Variants in CEP112 observed in about 807,000 individuals in gnomAD.
CEP112 encodes centrosomal protein 112, also known as centrosomal protein of 112 kDa.
CEP112 carries 127 observed loss-of-function variants against 153.0 expected under a neutral mutation model. The ratio of observed to expected loss-of-function variants is 0.83; its 90% CI spans 0.72 to 0.96. The LOEUF is 0.96. Ranked by LOEUF, CEP112 falls within the 40% of genes least tolerant of loss-of-function variation. CEP112 has a pLI of 0.00. For missense variants in CEP112, 1,089 were observed against 1,101.2 expected, an observed-to-expected ratio of 0.99 and a Z score of 0.16; for synonymous variants, 358 against 374.4, an observed-to-expected ratio of 0.96 and a Z score of 0.51.
intron 4 of CEP112, among the ~76,000 whole-genome samples, chr17:66,163,247 G>A (rs2071789801): frequency 6.6e-6 from 1 of 152,058 alleles, no homozygotes; most frequent in Non-Finnish European, 1.5e-5. Flanking sequence ...TTTTTTGCAT[G>A]CATGCTATGT....
intron 21 of CEP112, among the ~76,000 whole-genome samples, chr17:65,785,143 T>C (rs750542532): frequency 3.9e-5 from 6 of 152,240 alleles, no homozygotes; most frequent in Non-Finnish European, 8.8e-5. Context: ...ATCTATGTTG[T>C]GGAATGTATC....
intron 18 of CEP112, among the ~76,000 whole-genome samples, chr17:65,946,428 G>C (rs1167202983): frequency 6.6e-6 from 1 of 151,982 alleles, no homozygotes; most frequent in South Asian, 2.1e-4. Flanking sequence ...TATTGAATTG[G>C]TCATTTTTTT....
intron 20 of CEP112, among the ~76,000 whole-genome samples, chr17:65,880,065 T>C (rs1362715935): frequency 1.3e-5 from 2 of 148,610 alleles, no homozygotes; most frequent in Non-Finnish European, 3.0e-5. Flanking sequence ...GATTTATTTC[T>C]GGGAACCTTG....
rs780762036 is a variant in CEP112 at position 65,852,049 on chromosome 17, T to C, written c.2164-15A>G. ...TCGGCAATAACCTTGTTTTTAAAAA[T>C]GGAAAAATGGGCAGAAGATATCAAT... is the stretch of plus-strand genomic sequence containing the variant. On this transcript the variant is annotated splice_polypyrimidine_tract_variant and intron_variant, in intron 20 of 26. Transcript: ENST00000535342. 3.8e-6 allele frequency: 6 copies of C among 1,571,150 alleles called. No individual in the cohort carries two copies. Among genetic ancestry groups the C allele is most frequent in the Non-Finnish European group, 5.2e-6 (6 of 1,157,344 alleles).
chr17:66,045,417 G>C (rs959352444), intron 12 of CEP112, among the ~76,000 whole-genome samples: 6 of 152,104 alleles, frequency 3.9e-5, no homozygotes, highest in African/African-American at 1.4e-4. Flanking sequence ...AGGATGTGAA[G>C]ACAATTCCTA....
chr17:65,951,795 G>T (rs2061846182), intron 18 of CEP112, among the ~76,000 whole-genome samples: 2 of 124,716 alleles, frequency 1.6e-5, no homozygotes, highest in African/African-American at 6.0e-5. Context: ...TTCTTTTTCT[G>T]GTTTCATCAG....
chr17:65,700,298 T>C (rs77312425), intron 23 of CEP112, among the ~76,000 whole-genome samples: 1,655 of 152,238 alleles, frequency 0.011, 11 homozygotes, highest in East Asian at 0.031. Context: ...AAGCATCTAA[T>C]CTAATGTGTA....
intron 12 of CEP112, among the ~76,000 whole-genome samples, chr17:66,048,962 C>G (rs1232351435): frequency 2.6e-5 from 4 of 152,138 alleles, no homozygotes; most frequent in Non-Finnish European, 5.9e-5. Flanking sequence ...AAAATAAGAA[C>G]TTCTTTCATC....
intron 20 of CEP112, among the ~76,000 whole-genome samples, chr17:65,894,141 G>A (rs765728651): frequency 1.3e-5 from 2 of 151,986 alleles, no homozygotes; most frequent in Non-Finnish European, 2.9e-5. Context: ...TAATTTCTTC[G>A]AGGCCTAGGT....
At chr17:66,047,503 T>C (rs953073682) in intron 12 of CEP112, among the ~76,000 whole-genome samples, 3 of 152,254 alleles carry the variant, frequency 2.0e-5, no homozygotes, top group African/African-American at 4.8e-5. Flanking sequence ...GTAATTTTAT[T>C]ATGTAGATAT....
chr17:66,008,257 G>A (rs1490060323), intron 16 of CEP112, among the ~76,000 whole-genome samples: 1 of 152,028 alleles, frequency 6.6e-6, no homozygotes, highest in Non-Finnish European at 1.5e-5. Flanking sequence ...TTTGTGATGA[G>A]AACATTTAAA....
At chr17:65,765,925 A>G (rs1387422911) in intron 21 of CEP112, among the ~76,000 whole-genome samples, 2 of 152,194 alleles carry the variant, frequency 1.3e-5, no homozygotes, top group Admixed American at 6.5e-5. Flanking sequence ...GAAGACACCA[A>G]TTCAGAAACA....
intron 18 of CEP112, among the ~76,000 whole-genome samples, chr17:65,937,595 C>A (rs1162606952): frequency 1.8e-5 from 2 of 109,112 alleles, no homozygotes; most frequent in African/African-American, 3.1e-5. Context: ...ACCCGGCCAG[C>A]CGCCCCGTCC....
chr17:66,132,266 A>C (rs1256101983), intron 5 of CEP112, among the ~76,000 whole-genome samples: 2 of 151,418 alleles, frequency 1.3e-5, no homozygotes, highest in Non-Finnish European at 2.9e-5. Context: ...AAATAGATGC[A>C]AGACAGACAT....
intron 17 of CEP112, among the ~76,000 whole-genome samples, chr17:65,986,241 G>C (rs1337918084): frequency 1.3e-5 from 2 of 151,894 alleles, no homozygotes; most frequent in African/African-American, 2.4e-5. Flanking sequence ...GAAAGAACCT[G>C]GGCAGAATCT....
chr17:65,801,795 T>G (rs1293096485), intron 21 of CEP112, among the ~76,000 whole-genome samples: 1 of 152,238 alleles, frequency 6.6e-6, no homozygotes, highest in African/African-American at 2.4e-5. Context: ...TTCAAGTAAC[T>G]TATTTAAAGT....
intron 21 of CEP112, among the ~76,000 whole-genome samples, chr17:65,761,616 A>T (rs947557465): frequency 1.3e-5 from 2 of 152,236 alleles, no homozygotes; most frequent in Middle Eastern, 3.4e-3. Context: ...TTAGTCCAAA[A>T]TATTTTTAAA....
intron 21 of CEP112, among the ~76,000 whole-genome samples, chr17:65,819,996 T>C (rs2056449350): frequency 1.3e-5 from 2 of 152,054 alleles, no homozygotes; most frequent in South Asian, 2.1e-4. Context: ...AATTGTACTA[T>C]AGATAAATAA....
At chr17:66,083,850 T>C (rs965107551) in intron 8 of CEP112, among the ~76,000 whole-genome samples, 3 of 152,064 alleles carry the variant, frequency 2.0e-5, no homozygotes. Context: ...TGAGCGAGAC[T>C]CCATGTCCAA....
Sources: allele counts gnomAD v4.1 joint callset (sites outside exome capture counted in the v4.1 genomes callset), GRCh38; gene constraint gnomAD v4.1.1; transcripts MANE v1.5; gene names NCBI Gene and HGNC (gene_info 2026-07-23, HGNC 2026-07-21).